Variants in SLCO6A1 observed in about 807,000 individuals in gnomAD.
SLCO6A1 encodes solute carrier organic anion transporter family member 6A1, also known as cancer/testis antigen 48.
A neutral mutation model predicts 72.7 loss-of-function variants in SLCO6A1; 65 were observed. The ratio of observed to expected loss-of-function variants is 0.89; its 90% confidence interval spans 0.73 to 1.10. SLCO6A1 has a LOEUF of 1.10. SLCO6A1 is among the 50% of genes least tolerant of loss of function. The pLI is 0.00. For missense variants in SLCO6A1, 874 were observed against 872.6 expected (o/e 1.00, Z -0.02); for synonymous variants, 314 against 298.2 (o/e 1.05, Z -0.55).
chr5:102,388,923 A>C, intron 11 of SLCO6A1, 98 bp from the exon 12 acceptor site: 1 of 1,024,928 alleles, frequency 9.8e-7, no homozygotes, highest in Non-Finnish European at 1.4e-6. Context: ...ACGACTCATC[A>C]TTCAAAACAT....
intron 12 of SLCO6A1, among the ~76,000 whole-genome samples, chr5:102,380,362 T>A (rs1580320382): frequency 6.6e-6 from 1 of 152,046 alleles, no homozygotes; most frequent in South Asian, 2.1e-4. Flanking sequence ...AGATGAGTCA[T>A]CCTAATTAAA....
At chr5:102,465,433 T>C (rs1445524793) in intron 4 of SLCO6A1, among the ~76,000 whole-genome samples, 1 of 152,134 alleles carries the variant, frequency 6.6e-6, no homozygotes, top group South Asian at 2.1e-4. Context: ...GAACACTTTA[T>C]TGTCTTCTTT....
At position 102,498,569 on chromosome 5, in the gene SLCO6A1, G is replaced by A. The variant is rs764577906; in HGVS notation, c.276C>T (p.Gly92=). 6.2e-7 allele frequency: 1 copy of A among 1,614,252 alleles called. No individual in the cohort carries two copies. Among genetic ancestry groups the A allele is most frequent in the Non-Finnish European group, 8.5e-7 (1 of 1,180,036 alleles). Residue 92 remains glycine, a synonymous_variant, in exon 1 of 14, where the codon GGC becomes GGT. Coordinates refer to ENST00000506729, the MANE Select transcript of SLCO6A1 (RefSeq NM_173488.5). ...ACTCACAGCAGGTGCTGACTAAGCA[G>A]CCCAAACCACAGGGCTGCTCCAAAC... ...DDSLEQPCGL[G]CLVSTCCECC...
At chr5:102,478,012 CT>C (rs1382958892) in intron 2 of SLCO6A1, 151 bp from the exon 3 acceptor site, 10 of 744,158 alleles carry the variant, frequency 1.3e-5, no homozygotes, top group Non-Finnish European at 2.1e-5. Context: ...TGTAGTAGTA[CT>C]GCAATCAATC....
chr5:102,448,295 G>A lies in SLCO6A1; in HGVS notation c.1132-9534C>T, dbSNP rs569568386. On this transcript the variant is annotated intron_variant, in intron 6 of 13. Coordinates refer to ENST00000506729, the MANE Select transcript of SLCO6A1 (RefSeq NM_173488.5). ...TAAGAATTGCTTTATGGCTGATTGC[G>A]TGGTCAATTTTAGAGGATGTGCCAT... 1.1e-3 allele frequency among the ~76,000 whole-genome samples: 169 copies of A among 152,254 alleles called. 1 individual carries two copies. The highest frequency in any genetic ancestry group is 3.9e-3 in the African/African-American group (163 of 41,548).
In SLCO6A1 at chr5:102,408,055, T is replaced by C. The variant is rs79322033; in HGVS notation, c.1626+4935A>G. On this transcript the variant is annotated intron_variant, in intron 9 of 13. Transcript: ENST00000506729. ...CCCCCCTTATCCATGGGAAATACAT[T>C]CCAAGATCCCTGAATGTCTGAAATC... Among the ~76,000 whole-genome samples the C allele has an allele frequency of 1.9e-3, 289 of 152,228 alleles. 3 individuals are homozygous for C. The highest frequency in any genetic ancestry group is 6.7e-3 in the African/African-American group (279 of 41,540).
At position 102,458,390 on chromosome 5, in the gene SLCO6A1, C is replaced by T; in HGVS notation, c.1123G>A (p.Ala375Thr). Residue 375 changes from alanine (A) to threonine (T), a missense_variant, in exon 6 of 14, where the codon GCT (alanine) becomes ACT (threonine). Ala to Thr is a moderately conservative substitution (Grantham distance 58). Transcript: ENST00000506729. ...LGTNIKDLCA[A>T]LWILMKNPVL... is the part of the protein sequence containing the mutation. ...AAAATATTTTACTTTACCCAAAGAG[C>T]AGCACATAAATCCTTGATATTAGTT... 8 of 1,604,980 alleles carry T rather than the reference C, an allele frequency of 5.0e-6. No individual in the cohort carries two copies. The highest frequency in any genetic ancestry group is 1.1e-5 in the South Asian group (1 of 90,252).
At chr5:102,454,401 C>T (rs1226471526) in intron 6 of SLCO6A1, among the ~76,000 whole-genome samples, 3 of 152,186 alleles carry the variant, frequency 2.0e-5, no homozygotes, top group Non-Finnish European at 4.4e-5. Flanking sequence ...TCCAGAGTTT[C>T]AAAATAGTTG....
intron 4 of SLCO6A1, among the ~76,000 whole-genome samples, chr5:102,465,011 T>C (rs1751240312): frequency 1.3e-5 from 2 of 152,106 alleles, no homozygotes. Context: ...AAAAAAAATC[T>C]TGGGTGAGAA....
At chr5:102,373,678 TTATAA>T (rs58183577) in intron 12 of SLCO6A1, among the ~76,000 whole-genome samples, 184 bp from the exon 13 acceptor site, 34,398 of 151,912 alleles carry the variant, frequency 0.23, 4,415 homozygotes, top group Middle Eastern at 0.28. Context: ...TTTTAAATGT[TTATAA>T]TATGTTTTAG....
At chr5:102,457,695 G>A (rs551474009) in intron 6 of SLCO6A1, among the ~76,000 whole-genome samples, 42 of 152,254 alleles carry the variant, frequency 2.8e-4, no homozygotes, top group African/African-American at 7.7e-4. Context: ...TCAATGTGGC[G>A]ATTCCTCAGA....
chr5:102,472,449 A>T (rs1751676480), intron 4 of SLCO6A1, among the ~76,000 whole-genome samples: 1 of 152,054 alleles, frequency 6.6e-6, no homozygotes, highest in African/African-American at 2.4e-5. Flanking sequence ...TGGAAGGTAC[A>T]CTTCTCTATT....
At chr5:102,382,932 ACG>A (rs1250797839) in intron 12 of SLCO6A1, among the ~76,000 whole-genome samples, 1 of 149,522 alleles carries the variant, frequency 6.7e-6, no homozygotes, top group African/African-American at 2.4e-5. Context: ...TGAGATATAT[ACG>A]TGTGTGTATA....
Position 102,413,017 on chromosome 5 carries a change from T to A in SLCO6A1, c.1599A>T (p.Thr533=). ...TTTTTTGGTTTTGTGCTTTAGAATA[T>A]GTACACCCTGCAAAGCAGGGAGAAA... ...EYFSPCFAGC[T]YSKAQNQKKM... is the part of the protein sequence containing the mutation. Residue 533 remains threonine (T), a synonymous_variant, in exon 9 of 14, where the codon ACA becomes ACT. Transcript: ENST00000506729. 1.3e-6 allele frequency: 2 copies of A among 1,531,874 alleles called. No individual in the cohort carries two copies. Among genetic ancestry groups the A allele is most frequent in the Non-Finnish European group, 1.7e-6 (2 of 1,147,258 alleles). 94.9% of individuals were successfully genotyped at this position (1,531,874 alleles called of 1,614,324 possible).
At chr5:102,444,265 G>A (rs758161227) in intron 6 of SLCO6A1, among the ~76,000 whole-genome samples, 1 of 152,018 alleles carries the variant, frequency 6.6e-6, no homozygotes, top group Non-Finnish European at 1.5e-5. Flanking sequence ...TCTCAACCAG[G>A]GCTTATTGAA....
At chr5:102,491,009 A>G (rs966640302) in intron 1 of SLCO6A1, among the ~76,000 whole-genome samples, 2 of 152,032 alleles carry the variant, frequency 1.3e-5, no homozygotes, top group Admixed American at 1.3e-4. Context: ...CAGAGAGCCG[A>G]GTGGTCTGTT....
At chr5:102,463,935 C>T (rs1580474615) in intron 4 of SLCO6A1, among the ~76,000 whole-genome samples, 1 of 150,706 alleles carries the variant, frequency 6.6e-6, no homozygotes. Context: ...ATGGCATTTG[C>T]AGCAACCTGG....
chr5:102,457,744 A>G (rs1424000052), intron 6 of SLCO6A1, among the ~76,000 whole-genome samples: 2 of 152,204 alleles, frequency 1.3e-5, no homozygotes, highest in Non-Finnish European at 2.9e-5. Flanking sequence ...CAGCAATCCC[A>G]TTACTGGGTA....
chr5:102,372,234 A>G (rs1231174922), intron 13 of SLCO6A1, 111 bp from the exon 14 acceptor site: 7 of 152,036 alleles, frequency 4.6e-5, no homozygotes. Context: ...AGGAAATAAA[A>G]ATGTGTAGTA....
Sources: allele counts gnomAD v4.1 joint callset (sites outside exome capture counted in the v4.1 genomes callset), GRCh38; gene constraint gnomAD v4.1.1; transcripts MANE v1.5; gene names NCBI Gene and HGNC (gene_info 2026-07-23, HGNC 2026-07-21).